OGA: variants seen among roughly 807,000 people sequenced by gnomAD.
OGA encodes O-GlcNAcase.
OGA carries 21 observed loss-of-function variants against 102.0 expected under a neutral mutation model. The observed-to-expected ratio is 0.21, with a 90% confidence interval of 0.15 to 0.30. OGA has a LOEUF of 0.30. Among genes scored for constraint, OGA ranks in the 10% least tolerant of loss-of-function variants. OGA has a pLI of 1.00. For missense variants in OGA, 765 were observed against 1,107.8 expected, an observed-to-expected ratio of 0.69 and a Z score of 4.39; for synonymous variants, 408 against 378.2, an observed-to-expected ratio of 1.08 and a Z score of -0.91.
intron 10 of OGA, chr10:101,796,107 C>T (rs993626107): frequency 9.2e-5 from 16 of 173,304 alleles, no homozygotes; most frequent in Non-Finnish European, 1.6e-4. Context: ...TTCAAAATTC[C>T]TAAGGGCCTT....
intron 7 of OGA, among the ~76,000 whole-genome samples, chr10:101,800,676 G>A (rs1401291202): frequency 2.0e-5 from 3 of 151,812 alleles, no homozygotes; most frequent in Non-Finnish European, 4.4e-5. Flanking sequence ...AATCTTAACC[G>A]TCTACTGAGT....
intron 10 of OGA, among the ~76,000 whole-genome samples, chr10:101,794,346 T>C (rs1243950146): frequency 1.3e-5 from 2 of 152,180 alleles, no homozygotes; most frequent in Non-Finnish European, 2.9e-5. Context: ...AACTATTAAC[T>C]AAAATGACTG....
chr10:101,808,969 CA>C (rs879596374), intron 4 of OGA, among the ~76,000 whole-genome samples: 67 of 139,510 alleles, frequency 4.8e-4, no homozygotes, highest in Middle Eastern at 3.6e-3. Flanking sequence ...GACTCAGTTT[CA>C]AAAAAAAAAA....
rs1277204234 is a variant in OGA at position 101,785,685 on chromosome 10, C to A, written c.*766G>T. 6.6e-6 allele frequency: 1 copy of A among 152,600 alleles called. No individual in the cohort carries two copies. Among genetic ancestry groups the A allele is most frequent in the East Asian group, 1.9e-4 (1 of 5,206 alleles). 9.5% of individuals were successfully genotyped at this position (152,600 alleles called of 1,614,324 possible). The stretch of plus-strand genomic sequence containing the variant: ...CCACTTTTCACTGGTTTACATTATT[C>A]AAAGTGCCATTCTGAACCAACACCC... On this transcript the variant is annotated 3_prime_UTR_variant, in exon 16 of 16. Transcript: ENST00000361464.
chr10:101,814,569 G>C (rs962454077), intron 1 of OGA, among the ~76,000 whole-genome samples: 1 of 152,094 alleles, frequency 6.6e-6, no homozygotes, highest in Non-Finnish European at 1.5e-5. Context: ...CAGCCTAGGT[G>C]ACAGAGCAAA....
chr10:101,802,498 C>T (rs549470372), intron 7 of OGA, among the ~76,000 whole-genome samples: 118 of 151,882 alleles, frequency 7.8e-4, no homozygotes, highest in Middle Eastern at 3.4e-3. Context: ...GGAGAAACCC[C>T]GTCTCTACTA....
At chr10:101,809,402 T>C (rs1197098858) in intron 4 of OGA, among the ~76,000 whole-genome samples, 1 of 152,200 alleles carries the variant, frequency 6.6e-6, no homozygotes, top group Non-Finnish European at 1.5e-5. Flanking sequence ...TTTACTTAAT[T>C]TGGAAAATAT....
chr10:101,817,766 C>T, intron 1 of OGA, 58 bp downstream of exon 1: 1 of 1,517,608 alleles, frequency 6.6e-7, no homozygotes, highest in Non-Finnish European at 8.8e-7. Context: ...CGCCACCACC[C>T]TCCTCCCGAG....
rs1485363740 is a variant in OGA, at chr10:101,817,991, T to C, written c.32A>G (p.Glu11Gly). The stretch of plus-strand genomic sequence containing the variant: ...GGAGCTGAGCTCGCTCTCCCGCTCC[T>C]CCAACGTCGCTTGACTCTCCTTCTG... MVQKESQATL[E>G]ERESELSSNP... The change falls in exon 1 of 16, where the codon GAG becomes GGG. Residue 11 changes from glutamate to glycine, a missense_variant. By Grantham distance (98) the Glu-to-Gly change is moderately conservative. This residue lies in a region of OGA where 117 missense variants were observed against 85.7 expected (regional missense o/e 1.36). Coordinates refer to ENST00000361464, the MANE Select transcript of OGA (RefSeq NM_012215.5). 6.2e-7 allele frequency: 1 copy of C among 1,603,958 alleles called. No homozygotes were observed. The highest frequency in any genetic ancestry group is 1.7e-5 in the Admixed American group (1 of 59,648).
chr10:101,789,518 T>A (rs2135027673), intron 14 of OGA, among the ~76,000 whole-genome samples: 1 of 151,018 alleles, frequency 6.6e-6, no homozygotes, highest in Middle Eastern at 3.5e-3. Context: ...AATAAATAAA[T>A]AAAAAGACTA....
chr10:101,799,405 G>C lies in OGA; in HGVS notation c.1246C>G (p.Pro416Ala). The change falls in exon 9 of 16, where the codon CCT becomes GCT. Residue 416 changes from proline (P) to alanine (A), a missense_variant. Physicochemically the swap from Pro to Ala is conservative, Grantham distance 27. This residue lies in a region of OGA where 281 missense variants were observed against 345.8 expected (regional missense o/e 0.81). Coordinates refer to ENST00000361464, the MANE Select transcript of OGA (RefSeq NM_012215.5). ...GAKASVVDGTPLVAAPSLNAT... is the reference protein window; with the variant it reads ...GAKASVVDGTALVAAPSLNAT... ...TTTAAAGAGGGTGCTGCAACTAAAG[G>C]AGTCCCATCAACTACACTTGCTTTA... 1 of 1,614,004 alleles carries C rather than the reference G, an allele frequency of 6.2e-7. No individual in the cohort carries two copies. Among genetic ancestry groups the C allele is most frequent in the South Asian group, 1.1e-5 (1 of 91,080 alleles).
Position 101,803,997 on chromosome 10 carries a change from T to G in OGA, c.774A>C (p.Glu258Asp), listed in dbSNP as rs758086329. The change falls in exon 7 of 16, where the codon GAA becomes GAC. Residue 258 changes from glutamate to aspartate, a missense_variant. This residue lies in a region of OGA where 165 missense variants were observed against 249.7 expected (regional missense o/e 0.66). Transcript: ENST00000361464. ...CCTCTTCGATGGACTCTACTGGAAT[T>G]TCTTTAGAAACAACTTTGGGACCTA... ...LWTGPKVVSKEIPVESIEEVS... is the reference protein window; with the variant it reads ...LWTGPKVVSKDIPVESIEEVS... 6 of 1,610,036 alleles carry G rather than the reference T, an allele frequency of 3.7e-6. No homozygotes were observed. The highest frequency in any genetic ancestry group is 3.4e-6 in the Non-Finnish European group (4 of 1,177,722).
chr10:101,810,263 A>G lies in OGA; in HGVS notation c.401T>C (p.Ile134Thr), dbSNP rs545369080. Residue 134 changes from isoleucine (I) to threonine (T), a missense_variant, in exon 4 of 16, where the codon ATC becomes ACC. Around this residue, in one of 7 missense-constraint regions of OGA, gnomAD observed 165 missense variants for 249.7 expected, o/e 0.66. Coordinates refer to ENST00000361464, the MANE Select transcript of OGA (RefSeq NM_012215.5). The stretch of plus-strand genomic sequence containing the variant: ...ATCCAATCCAGGTGAGATCGCATAG[A>G]TGAACTCTATCTCATATTCTCGTGC... ...SAAREYEIEF[I>T]YAISPGLDIT... The G allele has an allele frequency of 1.2e-6, 2 of 1,611,854 alleles. No homozygotes were observed. Among genetic ancestry groups the G allele is most frequent in the East Asian group, 2.2e-5 (1 of 44,838 alleles).
At chr10:101,792,728 A>T in intron 12 of OGA, 111 bp downstream of exon 12, 1 of 692,694 alleles carries the variant, frequency 1.4e-6, no homozygotes, top group East Asian at 2.6e-5. Flanking sequence ...TTCTCCATCT[A>T]AAGTTTGCAG....
Position 101,786,570 on chromosome 10 carries a change from A to G in OGA, c.2632T>C (p.Cys878Arg). 1 of 1,606,142 alleles carries G rather than the reference A, an allele frequency of 6.2e-7. No homozygotes were observed. Among genetic ancestry groups the G allele is most frequent in the Non-Finnish European group, 8.5e-7 (1 of 1,177,024 alleles). Reference sequence around the variant, plus strand: ...CTTTTATCATCTGGTCTCACTTCACAGAAAGCTCCCCGGGAGCCTAGAAAT... The same window carrying G: ...CTTTTATCATCTGGTCTCACTTCACGGAAAGCTCCCCGGGAGCCTAGAAAT... ...LKANGSRGAF[C>R]EVRPDDKRIL... The change falls in exon 16 of 16, where the codon TGT becomes CGT. Residue 878 changes from cysteine to arginine, a missense_variant. By Grantham distance (180) the Cys-to-Arg change is radical (BLOSUM62 -3). Around this residue, in one of 7 missense-constraint regions of OGA, gnomAD observed 146 missense variants for 269.7 expected, o/e 0.54. Coordinates refer to ENST00000361464, the MANE Select transcript of OGA (RefSeq NM_012215.5).
In OGA at chr10:101,818,418, T is replaced by C. The variant is rs1419990447; in HGVS notation, c.-396A>G. 7.9e-6 allele frequency: 8 copies of C among 1,012,784 alleles called. No homozygotes were observed. The highest frequency in any genetic ancestry group is 7.1e-6 in the Non-Finnish European group (6 of 847,266). 62.7% of individuals were successfully genotyped at this position (1,012,784 alleles called of 1,614,324 possible). A position where few individuals can be genotyped will look rare whatever the true frequency, so the allele number is the denominator to read the frequency against. On this transcript the variant is annotated 5_prime_UTR_variant, in exon 1 of 16. Coordinates refer to ENST00000361464, the MANE Select transcript of OGA (RefSeq NM_012215.5). ...CCCGAGCTCTCCCTCTGCTGCTGCC[T>C]CCACCGCCCGCTTCCTGTTTATCCG...
chr10:101,786,519 C>T lies in OGA; in HGVS notation c.2683G>A (p.Gly895Arg). The change falls in exon 16 of 16, where the codon GGA becomes AGA. Residue 895 changes from glycine (G) to arginine (R), a missense_variant. This residue lies in a region of OGA where 146 missense variants were observed against 269.7 expected (regional missense o/e 0.54). Coordinates refer to ENST00000361464, the MANE Select transcript of OGA (RefSeq NM_012215.5). ...KRILEFYSKL[G>R]CFEIAKMEGF... ...TCCATTTTTGCAATTTCAAAACATC[C>T]TAACTTGCTGTAAAATTCCAGAATT... 1 of 1,612,358 alleles carries T rather than the reference C, an allele frequency of 6.2e-7. No individual in the cohort carries two copies. The highest frequency in any genetic ancestry group is 8.5e-7 in the Non-Finnish European group (1 of 1,179,312).
Position 101,786,350 on chromosome 10 carries a change from G to T in OGA, c.*101C>A. ...TTCTTTGTTTCGAATCCAATTGGCTGATTTGTTACCATTCTAGAGGCTGAA... is the reference window on the plus strand; with the variant it reads ...TTCTTTGTTTCGAATCCAATTGGCTTATTTGTTACCATTCTAGAGGCTGAA... On this transcript the variant is annotated 3_prime_UTR_variant, in exon 16 of 16. Transcript: ENST00000361464. The T allele has an allele frequency of 8.1e-7, 1 of 1,229,982 alleles. No homozygotes were observed. Among genetic ancestry groups the T allele is most frequent in the Non-Finnish European group, 1.1e-6 (1 of 926,470 alleles). 76.2% of individuals were successfully genotyped at this position (1,229,982 alleles called of 1,614,324 possible).
chr10:101,805,891 C>CT (rs1461398064), intron 6 of OGA, among the ~76,000 whole-genome samples, 154 bp downstream of exon 6: 4 of 151,678 alleles, frequency 2.6e-5, no homozygotes, highest in Non-Finnish European at 5.9e-5. Context: ...GGAGGCGGAG[C>CT]GTGCAGTGAG....
Sources: gnomAD v4.1 joint callset for allele counts (sites outside exome capture counted in the v4.1 genomes callset) on GRCh38, gnomAD v4.1.1 for gene constraint, gnomAD v4.1.1 regional missense constraint, MANE v1.5 for transcripts, NCBI Gene and HGNC (gene_info 2026-07-23, HGNC 2026-07-21) for gene names.